Variants in BZW2 observed in about 807,000 individuals in gnomAD.
BZW2 encodes basic leucine zipper and W2 domains 2.
Under a neutral mutation model 53.2 loss-of-function variants are expected in BZW2, and 23 were observed. The ratio of observed to expected loss-of-function variants is 0.43; its 90% CI spans 0.31 to 0.61. The LOEUF is 0.61. Among genes scored for constraint, BZW2 ranks in the 20% least tolerant of loss-of-function variants. BZW2 has a pLI of 0.09. For synonymous variants in BZW2, 227 were observed against 186.4 expected (o/e 1.22, Z -1.77); for missense variants, 409 against 503.1 (o/e 0.81, Z 1.79).
chr7:16,694,702 T>C (rs1374307690), intron 7 of BZW2, 132 bp from the exon 8 acceptor site: 5 of 737,722 alleles, frequency 6.8e-6, no homozygotes, highest in Non-Finnish European at 1.0e-5. Flanking sequence ...CAGAGATTTG[T>C]TGTTTTGTAA....
intron 7 of BZW2, among the ~76,000 whole-genome samples, chr7:16,692,707 T>C (rs1458940838): frequency 6.6e-6 from 1 of 152,148 alleles, no homozygotes; most frequent in Non-Finnish European, 1.5e-5. Flanking sequence ...GAGGCTGCAG[T>C]GAGCTAAGAT....
chr7:16,686,264 A>G (rs1162823769), intron 6 of BZW2: 4 of 554,398 alleles, frequency 7.2e-6, no homozygotes, highest in Admixed American at 3.3e-5. Flanking sequence ...GTACAAAGAC[A>G]TATTAAGAAA....
Position 16,696,922 on chromosome 7 carries a change from T to C in BZW2, c.830T>C (p.Leu277Pro). Residue 277 changes from leucine to proline, a missense_variant, in exon 9 of 12, where the codon CTT becomes CCT. By Grantham distance (98) the Leu-to-Pro change is moderately conservative (BLOSUM62 -3). Around this residue, in one of 3 missense-constraint regions of BZW2, gnomAD observed 316 missense variants for 366.8 expected, o/e 0.86. Coordinates refer to ENST00000258761, the MANE Select transcript of BZW2 (RefSeq NM_014038.3). ...SQECPIKEVV[L>P]YVKEEMKRND... ...CATTTCCATGTAATGTAGGTGGTGC[T>C]TTATGTCAAAGAAGAAATGAAGAGG... is the stretch of plus-strand genomic sequence containing the variant. 1 of 1,614,052 alleles carries C rather than the reference T, an allele frequency of 6.2e-7. No homozygotes were observed. Among genetic ancestry groups the C allele is most frequent in the Non-Finnish European group, 8.5e-7 (1 of 1,179,942 alleles).
At chr7:16,650,941 A>T (rs1219624883) in intron 1 of BZW2, among the ~76,000 whole-genome samples, 1 of 152,236 alleles carries the variant, frequency 6.6e-6, no homozygotes, top group Non-Finnish European at 1.5e-5. Flanking sequence ...CCATTCTTTA[A>T]GGTTAAATGC....
chr7:16,680,280 A>G lies in BZW2; in HGVS notation c.236-1021A>G, dbSNP rs560188988. The stretch of plus-strand genomic sequence containing the variant: ...GCCTGAAGAAAGAACTATGTCCTGG[A>G]GTGGGAAGTGTTTGGAGTTGCATTG... On this transcript the variant is annotated intron_variant, in intron 3 of 11. Transcript: ENST00000258761. 1.1e-4 allele frequency among the ~76,000 whole-genome samples: 17 copies of G among 152,286 alleles called. 1 individual carries two copies. The highest frequency in any genetic ancestry group is 7.8e-4 in the Admixed American group (12 of 15,292).
chr7:16,670,024 A>C (rs1782551581), intron 2 of BZW2, among the ~76,000 whole-genome samples: 1 of 152,206 alleles, frequency 6.6e-6, no homozygotes, highest in Admixed American at 6.5e-5. Context: ...TTGTTTCTCA[A>C]GTTTTCATTA....
At chr7:16,674,869 C>T (rs887071054) in intron 3 of BZW2, among the ~76,000 whole-genome samples, 3 of 152,082 alleles carry the variant, frequency 2.0e-5, no homozygotes, top group Non-Finnish European at 2.9e-5. Context: ...TCATATGTCC[C>T]TAATCTTTCA....
At chr7:16,685,208 T>G (rs1783076179) in intron 5 of BZW2, among the ~76,000 whole-genome samples, 1 of 152,230 alleles carries the variant, frequency 6.6e-6, no homozygotes, top group South Asian at 2.1e-4. Context: ...TTATTTGCTT[T>G]GAGCTTACAT....
intron 2 of BZW2, among the ~76,000 whole-genome samples, chr7:16,667,805 C>T (rs1323924247): frequency 6.6e-6 from 1 of 152,178 alleles, no homozygotes; most frequent in African/African-American, 2.4e-5. Context: ...GGCCTATCCG[C>T]ATGAGAAGAA....
chr7:16,702,610 C>T (rs1783703997), intron 10 of BZW2, among the ~76,000 whole-genome samples: 1 of 152,130 alleles, frequency 6.6e-6, no homozygotes. Context: ...GTTGCATGGT[C>T]TCCTTCAGCC....
intron 4 of BZW2, 62 bp downstream of exon 4, chr7:16,681,466 C>G: frequency 1.5e-6 from 2 of 1,314,862 alleles, no homozygotes; most frequent in Non-Finnish European, 2.1e-6. Context: ...TATAGAAGCT[C>G]TACAGTCCAC....
chr7:16,658,390 A>G (rs1224792173), intron 1 of BZW2, among the ~76,000 whole-genome samples: 1 of 152,204 alleles, frequency 6.6e-6, no homozygotes, highest in East Asian at 1.9e-4. Flanking sequence ...TTTATTTAAA[A>G]GGAAATTTTA....
chr7:16,665,587 C>T, intron 2 of BZW2, 86 bp downstream of exon 2: 1 of 1,553,826 alleles, frequency 6.4e-7, no homozygotes, highest in Admixed American at 1.9e-5. Flanking sequence ...CCCTGTTTCC[C>T]CCAGCCTCAC....
intron 1 of BZW2, among the ~76,000 whole-genome samples, chr7:16,646,525 G>A (rs1463394888): frequency 6.6e-6 from 1 of 150,786 alleles, no homozygotes; most frequent in Non-Finnish European, 1.5e-5. Flanking sequence ...CGCCTCGGGA[G>A]ACCCTGGGAC....
intron 10 of BZW2, among the ~76,000 whole-genome samples, chr7:16,699,258 C>A (rs972407500): frequency 9.9e-5 from 15 of 152,268 alleles, no homozygotes; most frequent in Admixed American, 9.2e-4. Flanking sequence ...TCCAACCAGA[C>A]CTGAGTTGGG....
chr7:16,689,730 G>A, intron 6 of BZW2, 67 bp from the exon 7 acceptor site: 1 of 1,337,366 alleles, frequency 7.5e-7, no homozygotes. Context: ...AAACCTGGTT[G>A]CTTTGCACAC....
chr7:16,671,924 C>T (rs1242194865), intron 2 of BZW2, among the ~76,000 whole-genome samples: 1 of 52,772 alleles, frequency 1.9e-5, no homozygotes, highest in Admixed American at 1.3e-4. Flanking sequence ...GAGTGAGACC[C>T]TGTTTCAAAA....
At chr7:16,673,082 A>T (rs376479425) in intron 2 of BZW2, among the ~76,000 whole-genome samples, 54 of 151,964 alleles carry the variant, frequency 3.6e-4, no homozygotes, top group African/African-American at 1.3e-3. Context: ...AGTAGCTGGG[A>T]CTAACAGGGG....
chr7:16,695,428 A>G lies in BZW2; in HGVS notation c.822+424A>G, dbSNP rs76707585. On this transcript the variant is annotated intron_variant, in intron 8 of 11. Transcript: ENST00000258761. ...GTTCATCACTCTGTATGAATATGTAACAGGCTTTTTATTTGAAAAAAGTTT... is the reference window on the plus strand; with the variant it reads ...GTTCATCACTCTGTATGAATATGTAGCAGGCTTTTTATTTGAAAAAAGTTT... 6.6e-3 allele frequency among the ~76,000 whole-genome samples: 1,003 copies of G among 152,344 alleles called. 3 individuals are homozygous for G. The highest frequency in any genetic ancestry group is 0.011 in the Non-Finnish European group (750 of 68,038).
Sources: allele counts gnomAD v4.1 joint callset (sites outside exome capture counted in the v4.1 genomes callset), GRCh38; gene constraint gnomAD v4.1.1; regional missense constraint gnomAD v4.1.1; transcripts MANE v1.5; gene names NCBI Gene and HGNC (gene_info 2026-07-23, HGNC 2026-07-21).